The following KAZN variants were observed in gnomAD, a reference collection of about 807,000 sequenced individuals.
KAZN encodes the protein kazrin.
A neutral mutation model predicts 87.4 loss-of-function variants in KAZN; 40 were observed. That is an observed-to-expected ratio of 0.46 (90% confidence interval 0.36 to 0.60). KAZN has a LOEUF of 0.60. KAZN is among the 20% of genes least tolerant of loss of function. KAZN has a pLI of 0.00. For missense variants in KAZN, 898 were observed against 1,073.9 expected (o/e 0.84, Z 2.29); for synonymous variants, 466 against 458.3 (o/e 1.02, Z -0.22).
intron 2 of KAZN, among the ~76,000 whole-genome samples, chr1:14,430,213 C>A (rs79274100): frequency 0.012 from 1,319 of 105,740 alleles, 19 homozygotes; most frequent in African/African-American, 0.036. Flanking sequence ...GCCCTGCAAC[C>A]AAAAAAAAAA....
intron 2 of KAZN, among the ~76,000 whole-genome samples, chr1:14,419,908 G>A (rs764124817): frequency 8.5e-5 from 13 of 152,282 alleles, no homozygotes; most frequent in Middle Eastern, 6.8e-3. Flanking sequence ...AGCAACAATG[G>A]GATTTATTGC....
intron 2 of KAZN, among the ~76,000 whole-genome samples, chr1:14,347,735 G>GGT (rs913402080): frequency 6.6e-6 from 1 of 151,740 alleles, no homozygotes; most frequent in African/African-American, 2.4e-5. Flanking sequence ...CTATGTAAAG[G>GGT]GTGTGTGTGT....
intron 1 of KAZN, among the ~76,000 whole-genome samples, chr1:14,781,289 T>C (rs941168731): frequency 1.3e-5 from 2 of 152,146 alleles, no homozygotes; most frequent in African/African-American, 2.4e-5. Context: ...GCCACTGCGC[T>C]CCAACCTGGG....
intron 1 of KAZN, among the ~76,000 whole-genome samples, chr1:14,713,775 CA>C (rs58947119): frequency 0.01 from 954 of 94,590 alleles, 9 homozygotes; most frequent in African/African-American, 0.039. Flanking sequence ...CTCATCTCTA[CA>C]AAAAAAAAAA....
chr1:14,860,935 C>T (rs192012993), intron 1 of KAZN, among the ~76,000 whole-genome samples: 6 of 152,268 alleles, frequency 3.9e-5, no homozygotes, highest in East Asian at 1.9e-4. Flanking sequence ...TTATCAGATT[C>T]GAGTGGCTAA....
intron 1 of KAZN, among the ~76,000 whole-genome samples, chr1:14,724,347 GC>G (rs747552776): frequency 2.6e-5 from 4 of 152,206 alleles, no homozygotes; most frequent in Non-Finnish European, 5.9e-5. Flanking sequence ...CAATATCGAT[GC>G]CTCACTCCAG....
chr1:14,733,850 C>G (rs1643796284), intron 1 of KAZN, among the ~76,000 whole-genome samples: 2 of 152,142 alleles, frequency 1.3e-5, no homozygotes, highest in Admixed American at 1.3e-4. Flanking sequence ...GGGGTTTGGC[C>G]CCCCGATCAG....
chr1:14,206,811 C>T (rs531339226), intron 2 of KAZN, among the ~76,000 whole-genome samples: 15 of 151,164 alleles, frequency 9.9e-5, no homozygotes, highest in African/African-American at 2.9e-4. Context: ...TATGCCATAA[C>T]GTGGCCATGC....
intron 2 of KAZN, among the ~76,000 whole-genome samples, chr1:14,503,262 T>C (rs1670363947): frequency 6.6e-6 from 1 of 151,016 alleles, no homozygotes; most frequent in Admixed American, 6.6e-5. Context: ...GGCAGGCGGA[T>C]CACAAGGTCA....
chr1:14,648,103 T>G (rs975433941), intron 1 of KAZN, among the ~76,000 whole-genome samples: 1 of 152,212 alleles, frequency 6.6e-6, no homozygotes, highest in Admixed American at 6.5e-5. Context: ...ACAGAAAATA[T>G]GCTTAAGCCA....
At chr1:14,595,564 C>T (rs1332605441), upstream of KAZN, among the ~76,000 whole-genome samples, 2 of 151,374 alleles carry the variant, frequency 1.3e-5, no homozygotes, top group Non-Finnish European at 2.9e-5. Context: ...CACCTGTAAT[C>T]GCAACTACTC....
At chr1:14,622,126 T>A (rs1417752428) in intron 1 of KAZN, among the ~76,000 whole-genome samples, 1 of 152,204 alleles carries the variant, frequency 6.6e-6, no homozygotes, top group Non-Finnish European at 1.5e-5. Flanking sequence ...TCCTTTACCT[T>A]GTGAGCTGCT....
At chr1:14,030,680 A>G (rs993785421) in intron 1 of KAZN, among the ~76,000 whole-genome samples, 5 of 150,562 alleles carry the variant, frequency 3.3e-5, no homozygotes, top group African/African-American at 4.9e-5. Context: ...ACACACACCA[A>G]TCTATCCATT....
chr1:14,021,586 C>G (rs1640828680), intron 1 of KAZN, among the ~76,000 whole-genome samples: 1 of 152,164 alleles, frequency 6.6e-6, no homozygotes, highest in Non-Finnish European at 1.5e-5. Context: ...TCCAAGTTCC[C>G]CAGGTAATTG....
intron 3 of KAZN, among the ~76,000 whole-genome samples, chr1:15,040,165 C>T (rs1420512181): frequency 1.3e-5 from 2 of 152,210 alleles, no homozygotes; most frequent in Non-Finnish European, 2.9e-5. Context: ...TTTGGCAAAA[C>T]TGAAGCCACA....
In KAZN at chr1:14,906,786, A is replaced by T. The variant is rs917956470; in HGVS notation, c.227-53898A>T. ...TGAGGGGAGGTGGGGGAAAAAAACC[A>T]CCCCCAGGCTACACAGAAGATGTGG... On this transcript the variant is annotated intron_variant, in intron 1 of 14. Transcript: ENST00000376030. Among the ~76,000 whole-genome samples the T allele has an allele frequency of 2.7e-5, 4 of 148,948 alleles. No homozygotes were observed. The East Asian group carries it at 7.9e-4, about 29-fold the overall frequency.
At chr1:14,509,254 A>G (rs1405407989) in intron 2 of KAZN, among the ~76,000 whole-genome samples, 2 of 152,246 alleles carry the variant, frequency 1.3e-5, no homozygotes, top group African/African-American at 2.4e-5. Context: ...GTTTTATACT[A>G]TATCCCTACA....
intron 2 of KAZN, among the ~76,000 whole-genome samples, chr1:14,561,634 G>A (rs1674259304): frequency 6.6e-6 from 1 of 152,164 alleles, no homozygotes; most frequent in Non-Finnish European, 1.5e-5. Flanking sequence ...GGGCGCAGTG[G>A]CTCGCACCTG....
At position 14,714,798 on chromosome 1, in the gene KAZN, T is replaced by G. The variant is rs1442095258; in HGVS notation, c.226+115575T>G. 7.6e-3 allele frequency among the ~76,000 whole-genome samples: 318 copies of G among 41,898 alleles called. 1 individual carries two copies. The highest frequency in any genetic ancestry group is 0.026 in the African/African-American group (306 of 11,958). 27.5% of individuals were successfully genotyped at this position (41,898 alleles called of 152,430 possible). A position where few individuals can be genotyped will look rare whatever the true frequency, so the allele number is the denominator to read the frequency against. ...CTTTTTTCTTTTTCTTTTTTTTTTG[T>G]TTTTTTTTTTTTTTGAGACAGGTTC... On this transcript the variant is annotated intron_variant, in intron 1 of 14. Coordinates refer to ENST00000376030, the MANE Select transcript of KAZN (RefSeq NM_201628.3).
Sources: gnomAD v4.1 joint callset for allele counts (sites outside exome capture counted in the v4.1 genomes callset) on GRCh38, gnomAD v4.1.1 for gene constraint, MANE v1.5 for transcripts, NCBI Gene and HGNC (gene_info 2026-07-23, HGNC 2026-07-21) for gene names.